The following BBS9 variants were observed in gnomAD, a reference collection of about 807,000 sequenced individuals.
The protein encoded by BBS9 is Bardet-Biedl syndrome 9, also known as protein PTHB1.
In BBS9, 89 loss-of-function variants were observed where a neutral mutation model predicts 117.7. The ratio of observed to expected loss-of-function variants is 0.76; its 90% confidence interval spans 0.64 to 0.90. The LOEUF is 0.90. Among genes scored for constraint, BBS9 ranks in the 40% least tolerant of loss-of-function variants. The pLI, the probability that BBS9 is intolerant of heterozygous loss-of-function variation, is 0.00. For missense variants in BBS9, 982 were observed against 1,042.2 expected, an observed-to-expected ratio of 0.94 and a Z score of 0.80; for synonymous variants, 379 against 370.9, an observed-to-expected ratio of 1.02 and a Z score of -0.25.
rs536852317 is a variant in BBS9 at position 33,199,203 on chromosome 7, A to G, written c.442+21612A>G. On this transcript the variant is annotated intron_variant, in intron 5 of 22. Transcript: ENST00000242067. ...TCTCTTGCCCAACTTCCTGAAAACC[A>G]TATTGTTTTGATGTCAATATTTAGA... is the stretch of plus-strand genomic sequence containing the variant. Among the ~76,000 whole-genome samples the G allele has an allele frequency of 1.5e-3, 234 of 152,016 alleles. 1 individual carries two copies. The highest frequency in any genetic ancestry group is 5.4e-3 in the African/African-American group (223 of 41,548).
At chr7:33,536,681 T>TCCCCCCC (rs1563323298) in intron 21 of BBS9, among the ~76,000 whole-genome samples, 10 of 44,192 alleles carry the variant, frequency 2.3e-4, no homozygotes, top group East Asian at 5.3e-4. Context: ...GATTCGGCCT[T>TCCCCCCC]CCCCCCGCCC....
At chr7:33,439,778 C>T (rs542997269) in intron 19 of BBS9, among the ~76,000 whole-genome samples, 22 of 152,306 alleles carry the variant, frequency 1.4e-4, no homozygotes, top group African/African-American at 4.6e-4. Context: ...CCACCTGCTT[C>T]GGCCTCCCAA....
intron 7 of BBS9, among the ~76,000 whole-genome samples, chr7:33,267,434 T>C (rs1799016317): frequency 6.7e-6 from 1 of 150,074 alleles, no homozygotes; most frequent in Non-Finnish European, 1.5e-5. Context: ...TTGGTTTCCT[T>C]TTCCTCTTTT....
intron 13 of BBS9, among the ~76,000 whole-genome samples, chr7:33,350,224 ATCTT>A (rs1405008743): frequency 6.6e-6 from 1 of 152,080 alleles, no homozygotes; most frequent in African/African-American, 2.4e-5. Context: ...TCAAGAACAT[ATCTT>A]TCTTTTTTTG....
At chr7:33,300,116 T>C (rs965559606) in intron 9 of BBS9, among the ~76,000 whole-genome samples, 3 of 152,146 alleles carry the variant, frequency 2.0e-5, no homozygotes, top group East Asian at 3.9e-4. Context: ...CAGAGAGTAG[T>C]GTAGCTATAA....
chr7:33,351,330 A>G lies in BBS9; in HGVS notation c.1537+7A>G. Reference sequence around the variant, plus strand: ...TCTTATTCCAGACCAACAGGTAAACATACAGGCTTAATCATTACTTTAAGT... The same window carrying G: ...TCTTATTCCAGACCAACAGGTAAACGTACAGGCTTAATCATTACTTTAAGT... On this transcript the variant is annotated splice_region_variant and intron_variant, in intron 14 of 22. Coordinates refer to ENST00000242067, the MANE Select transcript of BBS9 (RefSeq NM_198428.3). 1 of 1,562,468 alleles carries G rather than the reference A, an allele frequency of 6.4e-7. No homozygotes were observed. The highest frequency in any genetic ancestry group is 8.8e-7 in the Non-Finnish European group (1 of 1,133,034).
chr7:33,531,372 C>T (rs981962728), intron 20 of BBS9, among the ~76,000 whole-genome samples: 1 of 152,074 alleles, frequency 6.6e-6, no homozygotes, highest in East Asian at 1.9e-4. Context: ...AATCCAACTG[C>T]CAAGAGAGCA....
chr7:33,201,614 C>A (rs1259180379), intron 5 of BBS9, among the ~76,000 whole-genome samples: 1 of 152,156 alleles, frequency 6.6e-6, no homozygotes, highest in Non-Finnish European at 1.5e-5. Flanking sequence ...TTTACCTCTT[C>A]TTGTTCACTT....
chr7:33,504,869 A>C (rs1439012547), intron 19 of BBS9, among the ~76,000 whole-genome samples: 3 of 148,288 alleles, frequency 2.0e-5, no homozygotes, highest in African/African-American at 7.5e-5. Flanking sequence ...TTTTTCTTTC[A>C]GGTCCCTGTG....
chr7:33,627,151 A>G (rs1865680328), intron 21 of BBS9, among the ~76,000 whole-genome samples: 1 of 152,208 alleles, frequency 6.6e-6, no homozygotes, highest in Admixed American at 6.5e-5. Flanking sequence ...ACCTCAGGAC[A>G]CTGCTCCCAG....
intron 9 of BBS9, among the ~76,000 whole-genome samples, chr7:33,280,348 C>T (rs76330847): frequency 0.011 from 1,635 of 152,208 alleles, 25 homozygotes; most frequent in African/African-American, 0.037. Context: ...CTCTTGTAGT[C>T]GACAGTGTCT....
chr7:33,502,211 A>G (rs1353528650), intron 19 of BBS9, among the ~76,000 whole-genome samples: 2 of 152,132 alleles, frequency 1.3e-5, no homozygotes, highest in Non-Finnish European at 2.9e-5. Flanking sequence ...CCAGCCTTCA[A>G]TATCTATTCT....
intron 21 of BBS9, among the ~76,000 whole-genome samples, chr7:33,594,245 A>G (rs890391600): frequency 2.0e-5 from 3 of 152,142 alleles, no homozygotes; most frequent in Non-Finnish European, 4.4e-5. Flanking sequence ...ATTTTCATAC[A>G]TGGGTACATG....
chr7:33,178,184 G>A (rs1046530424), intron 5 of BBS9, among the ~76,000 whole-genome samples: 6 of 152,236 alleles, frequency 3.9e-5, no homozygotes, highest in Non-Finnish European at 7.3e-5. Context: ...AGCTGGAAGA[G>A]TGGGGGATGT....
chr7:33,404,277 T>A (rs528183639), intron 19 of BBS9, among the ~76,000 whole-genome samples: 1 of 152,174 alleles, frequency 6.6e-6, no homozygotes, highest in Non-Finnish European at 1.5e-5. Context: ...TCAGGTAGCA[T>A]GATGCCTCCA....
chr7:33,141,944 T>G (rs1791530881), intron 1 of BBS9, among the ~76,000 whole-genome samples: 5 of 152,156 alleles, frequency 3.3e-5, no homozygotes, highest in Non-Finnish European at 5.9e-5. Flanking sequence ...AAATTCTTTT[T>G]TTTTTTCTCG....
chr7:33,166,901 C>A (rs902522886), intron 4 of BBS9, among the ~76,000 whole-genome samples: 1 of 152,184 alleles, frequency 6.6e-6, no homozygotes, highest in Non-Finnish European at 1.5e-5. Flanking sequence ...ACTGTCCAAC[C>A]AGTCCCAATG....
intron 19 of BBS9, among the ~76,000 whole-genome samples, chr7:33,436,675 G>A (rs1205264580): frequency 2.6e-5 from 4 of 152,148 alleles, no homozygotes; most frequent in African/African-American, 9.7e-5. Context: ...CAACTTTTTA[G>A]ATCCACCTTG....
intron 7 of BBS9, among the ~76,000 whole-genome samples, chr7:33,265,981 C>T (rs1341318324): frequency 6.6e-6 from 1 of 152,086 alleles, no homozygotes; most frequent in Non-Finnish European, 1.5e-5. Flanking sequence ...CCTTTGACCT[C>T]CTCAATAGTG....
Sources: gnomAD v4.1 joint callset for allele counts (sites outside exome capture counted in the v4.1 genomes callset) on GRCh38, gnomAD v4.1.1 for gene constraint, MANE v1.5 for transcripts, NCBI Gene and HGNC (gene_info 2026-07-23, HGNC 2026-07-21) for gene names.